The following SAMTOR variants were observed in gnomAD, a reference collection of about 807,000 sequenced individuals.
SAMTOR encodes the protein UPF0532 protein C7orf60.
chr7:112,877,948 T>C, the SAMTOR span, among the ~76,000 whole-genome samples: 2 of 152,170 alleles, frequency 1.3e-5, no homozygotes, highest in Non-Finnish European at 2.9e-5. Context: ...GCTTCTTATA[T>C]AGCCTGCAGA....
chr7:112,864,869 C>T, the SAMTOR span, among the ~76,000 whole-genome samples: 1 of 152,192 alleles, frequency 6.6e-6, no homozygotes, highest in African/African-American at 2.4e-5. Context: ...ATCCTCCCGC[C>T]TCAGTCTCCC....
chr7:112,824,431 G>A, the SAMTOR span, among the ~76,000 whole-genome samples: 1 of 151,954 alleles, frequency 6.6e-6, no homozygotes, highest in Non-Finnish European at 1.5e-5. Flanking sequence ...CGTGATCTTG[G>A]CTCACCGCAA....
At chr7:112,891,102 AT>A in the SAMTOR span, among the ~76,000 whole-genome samples, 9,635 of 152,312 alleles carry the variant, frequency 0.063, 406 homozygotes, top group South Asian at 0.13. Flanking sequence ...GCTATAAAAA[AT>A]ATATAGAAAT....
At chr7:112,842,857 T>C in the SAMTOR span, among the ~76,000 whole-genome samples, 1 of 152,006 alleles carries the variant, frequency 6.6e-6, no homozygotes, top group Non-Finnish European at 1.5e-5. Context: ...TGATCTTAAC[T>C]GATACACTTT....
At chr7:112,932,047 T>C in the SAMTOR span, among the ~76,000 whole-genome samples, 2 of 151,898 alleles carry the variant, frequency 1.3e-5, no homozygotes, top group African/African-American at 4.8e-5. Flanking sequence ...TACCTCAGCC[T>C]CACAAGTAGC....
At chr7:112,883,677 C>T in the SAMTOR span, among the ~76,000 whole-genome samples, 1 of 152,150 alleles carries the variant, frequency 6.6e-6, no homozygotes, top group Non-Finnish European at 1.5e-5. Flanking sequence ...AGGAATGATC[C>T]TATGATAAAT....
chr7:112,891,618 T>C, the SAMTOR span, among the ~76,000 whole-genome samples: 29 of 152,376 alleles, frequency 1.9e-4, no homozygotes, highest in Middle Eastern at 6.8e-3. Flanking sequence ...ACTACAGCTT[T>C]GGTTCCAGAC....
At chr7:112,877,585 A>G in the SAMTOR span, among the ~76,000 whole-genome samples, 106 of 152,332 alleles carry the variant, frequency 7.0e-4, no homozygotes, top group African/African-American at 2.1e-3. Context: ...AAATTTATCA[A>G]TAAGAATGGC....
At chr7:112,871,586 T>G in the SAMTOR span, among the ~76,000 whole-genome samples, 44 of 152,164 alleles carry the variant, frequency 2.9e-4, no homozygotes, top group African/African-American at 9.6e-4. Context: ...AAATTAACAA[T>G]CTACTATTGT....
the SAMTOR span, among the ~76,000 whole-genome samples, chr7:112,863,155 G>A: frequency 6.6e-6 from 1 of 152,036 alleles, no homozygotes; most frequent in Non-Finnish European, 1.5e-5. Context: ...TCTGATCTTC[G>A]ACAAAACTCA....
chr7:112,938,182 T>C, the SAMTOR span, among the ~76,000 whole-genome samples: 1 of 152,194 alleles, frequency 6.6e-6, no homozygotes, highest in East Asian at 1.9e-4. Flanking sequence ...AATGATGCAG[T>C]TGTTGCTATG....
At chr7:112,887,526 C>T in the SAMTOR span, among the ~76,000 whole-genome samples, 1 of 152,110 alleles carries the variant, frequency 6.6e-6, no homozygotes, top group Admixed American at 6.5e-5. Flanking sequence ...TGGTATTCTT[C>T]CTTCCTTAAA....
the SAMTOR span, among the ~76,000 whole-genome samples, chr7:112,921,201 A>AC: frequency 2.6e-5 from 4 of 152,218 alleles, no homozygotes; most frequent in Admixed American, 2.6e-4. Flanking sequence ...AAACTATACT[A>AC]CAAGGCTACA....
At chr7:112,939,154 C>A in the SAMTOR span, 296 of 174,372 alleles carry the variant, frequency 1.7e-3, 1 homozygote, top group Middle Eastern at 5.8e-3. Flanking sequence ...AATGGTACAG[C>A]CGGTAGGTCA....
chr7:112,858,996 G>A, the SAMTOR span, among the ~76,000 whole-genome samples: 1 of 152,140 alleles, frequency 6.6e-6, no homozygotes, highest in Non-Finnish European at 1.5e-5. Context: ...TAAATTAGCA[G>A]ACTTTGAGTA....
the SAMTOR span, among the ~76,000 whole-genome samples, chr7:112,844,339 C>T: frequency 6.6e-6 from 1 of 151,924 alleles, no homozygotes. Context: ...TCAAACCATC[C>T]CTATTTGCTG....
the SAMTOR span, among the ~76,000 whole-genome samples, chr7:112,917,735 A>G: frequency 6.6e-6 from 1 of 152,266 alleles, no homozygotes; most frequent in South Asian, 2.1e-4. Context: ...AGAATAACCA[A>G]TACAGAGAAG....
At chr7:112,915,302 T>C in the SAMTOR span, 1 of 1,599,098 alleles carries the variant, frequency 6.3e-7, no homozygotes, top group African/African-American at 1.4e-5. Context: ...ATAAAAGTAC[T>C]TACCTACAAC....
At chr7:112,854,885 G>T in the SAMTOR span, among the ~76,000 whole-genome samples, 9 of 152,256 alleles carry the variant, frequency 5.9e-5, no homozygotes, top group East Asian at 3.9e-4. Context: ...TCAGAGAAAG[G>T]TATAAAGAAT....
Sources: gnomAD v4.1 joint callset for allele counts (sites outside exome capture counted in the v4.1 genomes callset) on GRCh38, gnomAD v4.1.1 for gene constraint, MANE v1.5 for transcripts, NCBI Gene and HGNC (gene_info 2026-07-23, HGNC 2026-07-21) for gene names.